Variants in FRY observed in about 807,000 individuals in gnomAD.
FRY encodes the protein protein furry homolog.
A neutral mutation model predicts 348.4 loss-of-function variants in FRY; 128 were observed. That is an observed-to-expected ratio of 0.37 (90% CI 0.32 to 0.43). The LOEUF (loss-of-function observed/expected upper bound fraction) is 0.43, where lower values mean the gene tolerates loss of function less well. Among genes scored for constraint, FRY ranks in the 20% least tolerant of loss-of-function variants. The pLI is 1.00. For synonymous variants in FRY, 1,370 were observed against 1,374.7 expected, an observed-to-expected ratio of 1.00 and a Z score of 0.08; for missense variants, 2,736 against 3,695.2, an observed-to-expected ratio of 0.74 and a Z score of 6.73.
chr13:32,262,645 T>C (rs1887719318), intron 53 of FRY, among the ~76,000 whole-genome samples, 170 bp downstream of exon 53: 1 of 152,216 alleles, frequency 6.6e-6, no homozygotes, highest in African/African-American at 2.4e-5. Flanking sequence ...GCCTATGTTT[T>C]GAAGTTGTTT....
intron 29 of FRY, among the ~76,000 whole-genome samples, chr13:32,198,046 C>T (rs1378593225): frequency 6.6e-6 from 1 of 152,150 alleles, no homozygotes; most frequent in Non-Finnish European, 1.5e-5. Context: ...TTTATTTGTA[C>T]TCTTTTGCTT....
At chr13:32,132,576 G>T (rs1169744757) in intron 8 of FRY, among the ~76,000 whole-genome samples, 1 of 152,112 alleles carries the variant, frequency 6.6e-6, no homozygotes, top group Admixed American at 6.5e-5. Context: ...GTGCAAAATG[G>T]CACAGCCACT....
At chr13:32,090,117 G>A (rs1301203650) in intron 2 of FRY, among the ~76,000 whole-genome samples, 6 of 151,966 alleles carry the variant, frequency 3.9e-5, no homozygotes, top group African/African-American at 1.5e-4. Flanking sequence ...GGGAGGCCGA[G>A]GCGGGTGGAT....
intron 2 of FRY, among the ~76,000 whole-genome samples, chr13:32,088,836 C>T (rs1333008370): frequency 2.0e-5 from 3 of 152,112 alleles, no homozygotes; most frequent in Non-Finnish European, 4.4e-5. Flanking sequence ...AAGAGATTAT[C>T]GAAGTTTCCT....
intron 1 of FRY, among the ~76,000 whole-genome samples, chr13:32,044,483 AT>A (rs1428698324): frequency 6.6e-6 from 1 of 152,258 alleles, no homozygotes; most frequent in African/African-American, 2.4e-5. Flanking sequence ...GGCAAATACC[AT>A]TTTGTAGAAT....
chr13:32,246,738 C>T (rs1330355791), intron 47 of FRY, among the ~76,000 whole-genome samples: 6 of 152,196 alleles, frequency 3.9e-5, no homozygotes, highest in East Asian at 3.8e-4. Context: ...AAGAGGGTGC[C>T]GCTGAGCCAG....
At position 32,274,909 on chromosome 13, in the gene FRY, G is replaced by T; in HGVS notation, c.8204G>T (p.Gly2735Val). 6.2e-7 allele frequency: 1 copy of T among 1,613,102 alleles called. No individual in the cohort carries two copies. ...AGTTACCTTGGAGATAACCTCCGGG[G>T]AATCGGATCCAAATTTGTCAGCTCT... is the stretch of plus-strand genomic sequence containing the variant. ...AASYLGDNLRGIGSKFVSSSQ... is the reference protein window; with the variant it reads ...AASYLGDNLRVIGSKFVSSSQ... Residue 2735 changes from glycine to valine, a missense_variant, in exon 56 of 61, where the codon GGA becomes GTA. Gly to Val is a moderately radical substitution (Grantham distance 109, BLOSUM62 -3). Around this residue, in one of 9 missense-constraint regions of FRY, gnomAD observed 789 missense variants for 996.2 expected, o/e 0.79. Transcript: ENST00000542859.
At chr13:32,108,124 T>A (rs1877694009) in intron 3 of FRY, among the ~76,000 whole-genome samples, 1 of 152,180 alleles carries the variant, frequency 6.6e-6, no homozygotes, top group Admixed American at 6.5e-5. Flanking sequence ...GCTCCAGATC[T>A]GGAAGAGGGT....
intron 2 of FRY, among the ~76,000 whole-genome samples, chr13:32,079,545 A>C (rs1243552934): frequency 6.6e-6 from 1 of 152,160 alleles, no homozygotes; most frequent in Non-Finnish European, 1.5e-5. Context: ...CCATTTCTAA[A>C]ACTTGGAAGG....
chr13:32,253,291 A>G (rs1290292125), intron 50 of FRY, among the ~76,000 whole-genome samples: 1 of 152,224 alleles, frequency 6.6e-6, no homozygotes, highest in East Asian at 1.9e-4. Context: ...TATCATATGC[A>G]TCATATACTA....
intron 59 of FRY, among the ~76,000 whole-genome samples, chr13:32,293,276 T>C (rs979377599): frequency 1.3e-5 from 2 of 152,218 alleles, no homozygotes; most frequent in African/African-American, 4.8e-5. Context: ...AGGAGAAATT[T>C]GCTTTCAAAT....
intron 17 of FRY, among the ~76,000 whole-genome samples, 196 bp from the exon 18 acceptor site, chr13:32,170,816 C>T (rs867882518): frequency 6.6e-6 from 1 of 152,076 alleles, no homozygotes; most frequent in Non-Finnish European, 1.5e-5. Context: ...GGATTACAGG[C>T]GTGAGCCACC....
intron 11 of FRY, 67 bp downstream of exon 11, chr13:32,137,039 G>T: frequency 4.5e-6 from 4 of 884,130 alleles, no homozygotes; most frequent in South Asian, 2.6e-5. Context: ...GCTGGCTGAT[G>T]TGCTTCTGGA....
At chr13:32,146,187 T>C (rs1205183277) in intron 11 of FRY, among the ~76,000 whole-genome samples, 1 of 151,922 alleles carries the variant, frequency 6.6e-6, no homozygotes, top group Non-Finnish European at 1.5e-5. Context: ...CACCATTTTT[T>C]TTTTTTTTTA....
chr13:32,145,638 G>T (rs951681650), intron 11 of FRY, among the ~76,000 whole-genome samples: 2 of 146,124 alleles, frequency 1.4e-5, no homozygotes, highest in African/African-American at 5.1e-5. Flanking sequence ...TCCGCTTCCC[G>T]GGTTCACGCC....
chr13:32,244,286 C>A, intron 47 of FRY, 104 bp downstream of exon 47: 1 of 1,009,026 alleles, frequency 9.9e-7, no homozygotes, highest in Non-Finnish European at 1.6e-6. Flanking sequence ...GCCACTCATT[C>A]ATTCCTTGAC....
Position 32,202,439 on chromosome 13 carries a change from G to A in FRY, c.3930G>A (p.Pro1310=), listed in dbSNP as rs117167401. Residue 1310 remains proline, a synonymous_variant, in exon 31 of 61, where the codon CCG becomes CCA. Transcript: ENST00000542859. Reference sequence around the variant, plus strand: ...GTATTCTCTATGGAACACACGGCCCGCTGCCACCCCTCTACAGCGTGTCAC... The same window carrying A: ...GTATTCTCTATGGAACACACGGCCCACTGCCACCCCTCTACAGCGTGTCAC... ...PGSILYGTHG[P]LPPLYSVSLA... 6.4e-3 allele frequency: 10,282 copies of A among 1,613,726 alleles called. 50 individuals carry two copies. The highest frequency in any genetic ancestry group is 8.0e-3 in the South Asian group (728 of 91,074).
chr13:32,190,297 C>A (rs941960161), intron 28 of FRY, among the ~76,000 whole-genome samples: 4 of 151,984 alleles, frequency 2.6e-5, no homozygotes, highest in Admixed American at 6.6e-5. Flanking sequence ...CCACCTCTAT[C>A]AACATCATAC....
At chr13:32,042,922 C>T (rs1480012990) in intron 1 of FRY, among the ~76,000 whole-genome samples, 1 of 152,108 alleles carries the variant, frequency 6.6e-6, no homozygotes, top group African/African-American at 2.4e-5. Flanking sequence ...ATTCTTGTAC[C>T]AAGGAAGAAT....
Sources: allele counts gnomAD v4.1 joint callset (sites outside exome capture counted in the v4.1 genomes callset), GRCh38; gene constraint gnomAD v4.1.1; regional missense constraint gnomAD v4.1.1; transcripts MANE v1.5; gene names NCBI Gene and HGNC (gene_info 2026-07-23, HGNC 2026-07-21).